The following CHLSN variants were observed in gnomAD, a reference collection of about 807,000 sequenced individuals.
CHLSN encodes the protein cholesin, also known as protein cholesin.
chr7:988,243 G>A, the CHLSN span: 80 of 1,547,308 alleles, frequency 5.2e-5, no homozygotes, highest in Non-Finnish European at 6.7e-5. Flanking sequence ...TCTTCCCCGG[G>A]GCCCCTCTCT....
the CHLSN span, among the ~76,000 whole-genome samples, chr7:1,116,220 C>T: frequency 6.2e-5 from 9 of 145,490 alleles, no homozygotes; most frequent in African/African-American, 2.3e-4. Flanking sequence ...TGGCTTCCAT[C>T]ACCAACGCCC....
At chr7:1,106,430 A>G in the CHLSN span, among the ~76,000 whole-genome samples, 1 of 152,184 alleles carries the variant, frequency 6.6e-6, no homozygotes, top group Non-Finnish European at 1.5e-5. Context: ...AGAGGCCAGG[A>G]CAGCGTGGCA....
At chr7:1,070,336 T>C in the CHLSN span, among the ~76,000 whole-genome samples, 32 of 130,014 alleles carry the variant, frequency 2.5e-4, no homozygotes, top group Admixed American at 1.3e-3. Flanking sequence ...TGGCCAGCCG[T>C]GCCGTCCGGG....
chr7:1,028,537 G>T, the CHLSN span: 1 of 985,032 alleles, frequency 1.0e-6, no homozygotes, highest in Non-Finnish European at 1.2e-6. Flanking sequence ...CTGCTCCTCC[G>T]ACGAGGCTCT....
the CHLSN span, chr7:1,055,412 C>G: frequency 8.5e-6 from 4 of 469,058 alleles, no homozygotes; most frequent in South Asian, 1.5e-5. Context: ...GTGGCCACCT[C>G]TGTCCCGCCA....
chr7:996,357 G>A, the CHLSN span, among the ~76,000 whole-genome samples: 4 of 152,232 alleles, frequency 2.6e-5, no homozygotes, highest in Non-Finnish European at 4.4e-5. Flanking sequence ...CTGTTGGGGG[G>A]CGGGGCACCC....
At chr7:1,136,495 TATAAATATATATAAAC>T in the CHLSN span, among the ~76,000 whole-genome samples, 19 of 108,744 alleles carry the variant, frequency 1.7e-4, no homozygotes, top group African/African-American at 8.3e-4. Flanking sequence ...TATATAAACA[TATAAATATATATAAAC>T]ATATATAAAT....
chr7:1,124,054 A>G, the CHLSN span, among the ~76,000 whole-genome samples: 348 of 152,364 alleles, frequency 2.3e-3, 1 homozygote, highest in African/African-American at 7.9e-3. Flanking sequence ...TGCGTGTTAC[A>G]GACCAGCAGA....
chr7:1,073,443 C>T, the CHLSN span, among the ~76,000 whole-genome samples: 2 of 152,162 alleles, frequency 1.3e-5, no homozygotes, highest in African/African-American at 4.8e-5. Flanking sequence ...TTCCCACCCC[C>T]TAATCCCGCT....
chr7:1,100,168 C>T, the CHLSN span, among the ~76,000 whole-genome samples: 2 of 152,206 alleles, frequency 1.3e-5, no homozygotes, highest in Non-Finnish European at 2.9e-5. Flanking sequence ...CAAGCAGGTG[C>T]GTTCTCCTGT....
At chr7:1,009,961 G>A in the CHLSN span, 1 of 1,559,408 alleles carries the variant, frequency 6.4e-7, no homozygotes, top group Non-Finnish European at 8.6e-7. Flanking sequence ...TGCAGAGGTA[G>A]TCCAGGGCCA....
the CHLSN span, among the ~76,000 whole-genome samples, chr7:1,135,538 G>C: frequency 8.6e-5 from 13 of 151,016 alleles, no homozygotes; most frequent in Middle Eastern, 0.01. Flanking sequence ...AGGCCGAGGC[G>C]GGGAGATCAC....
the CHLSN span, chr7:984,355 C>G: frequency 2.0e-6 from 3 of 1,468,528 alleles, no homozygotes; most frequent in Non-Finnish European, 1.8e-6. Context: ...CCTGAGGGGA[C>G]CTAAGGGGGG....
At chr7:1,110,844 A>C in the CHLSN span, among the ~76,000 whole-genome samples, 10 of 152,026 alleles carry the variant, frequency 6.6e-5, no homozygotes, top group Non-Finnish European at 1.3e-4. Context: ...ACACACAGGC[A>C]ATTCACAAAA....
At chr7:1,136,219 A>G in the CHLSN span, among the ~76,000 whole-genome samples, 1 of 117,042 alleles carries the variant, frequency 8.5e-6, no homozygotes, top group Non-Finnish European at 1.6e-5. Flanking sequence ...AATATATATA[A>G]ACATATATAA....
chr7:1,061,907 A>G, the CHLSN span, among the ~76,000 whole-genome samples: 7,762 of 149,752 alleles, frequency 0.052, 672 homozygotes, highest in African/African-American at 0.18. Context: ...CCATCTCCCC[A>G]ACTCCCCAAT....
chr7:978,108 G>C, the CHLSN span, among the ~76,000 whole-genome samples: 1 of 152,224 alleles, frequency 6.6e-6, no homozygotes, highest in African/African-American at 2.4e-5. Context: ...CTGTGGCCTG[G>C]AGGTGACAAC....
the CHLSN span, among the ~76,000 whole-genome samples, chr7:1,044,362 G>C: frequency 5.8e-4 from 88 of 152,370 alleles, no homozygotes; most frequent in African/African-American, 2.0e-3. Context: ...TTCGTCAAAT[G>C]GCTGGTCTCA....
At chr7:1,044,249 G>A in the CHLSN span, among the ~76,000 whole-genome samples, 1 of 152,222 alleles carries the variant, frequency 6.6e-6, no homozygotes, top group African/African-American at 2.4e-5. Context: ...CAGCAAAATA[G>A]GCACCAGCGC....
Sources: allele counts gnomAD v4.1 joint callset (sites outside exome capture counted in the v4.1 genomes callset), GRCh38; gene constraint gnomAD v4.1.1; transcripts MANE v1.5; gene names NCBI Gene and HGNC (gene_info 2026-07-23, HGNC 2026-07-21).